Variants in UNC5C observed in about 807,000 individuals in gnomAD.
UNC5C encodes unc-5 netrin receptor C.
A neutral mutation model predicts 99.8 loss-of-function variants in UNC5C; 47 were observed. The observed-to-expected ratio is 0.47, with a 90% confidence interval of 0.37 to 0.60. The LOEUF is 0.60. Among genes scored for constraint, UNC5C ranks in the 20% least tolerant of loss-of-function variants. The pLI, the probability that UNC5C is intolerant of heterozygous loss-of-function variation, is 0.00. For synonymous variants in UNC5C, 487 were observed against 452.2 expected (o/e 1.08, Z -0.98); for missense variants, 1,062 against 1,165.9 (o/e 0.91, Z 1.30).
At chr4:95,323,862 C>T (rs1324139933) in intron 2 of UNC5C, among the ~76,000 whole-genome samples, 5 of 152,044 alleles carry the variant, frequency 3.3e-5, no homozygotes, top group African/African-American at 1.2e-4. Context: ...ATGGTGAAAC[C>T]CCGTCTCTAC....
At chr4:95,397,923 T>A (rs1437433179) in intron 1 of UNC5C, among the ~76,000 whole-genome samples, 1 of 152,188 alleles carries the variant, frequency 6.6e-6, no homozygotes, top group East Asian at 1.9e-4. Context: ...CATTATTAAT[T>A]GTCTGCATTC....
chr4:95,493,678 G>A (rs957577170), intron 1 of UNC5C, among the ~76,000 whole-genome samples: 1 of 151,250 alleles, frequency 6.6e-6, no homozygotes, highest in Admixed American at 6.6e-5. Flanking sequence ...GTACTGTGGG[G>A]CAAAAGTTGT....
intron 1 of UNC5C, among the ~76,000 whole-genome samples, chr4:95,526,223 T>C (rs566357941): frequency 6.6e-6 from 1 of 152,246 alleles, no homozygotes; most frequent in South Asian, 2.1e-4. Flanking sequence ...ATCCATCTTG[T>C]TTACCCAGGA....
chr4:95,474,540 G>A (rs149779744), intron 1 of UNC5C, among the ~76,000 whole-genome samples: 25 of 151,932 alleles, frequency 1.6e-4, no homozygotes, highest in East Asian at 9.7e-4. Flanking sequence ...TCTACGCCTC[G>A]GCCTCCCAAA....
chr4:95,377,787 G>A (rs1744939794), intron 1 of UNC5C, among the ~76,000 whole-genome samples: 1 of 151,982 alleles, frequency 6.6e-6, no homozygotes, highest in Non-Finnish European at 1.5e-5. Context: ...ACAGTTAGGT[G>A]GATTAATAGT....
At chr4:95,294,140 A>G (rs140506105) in intron 3 of UNC5C, among the ~76,000 whole-genome samples, 114 of 152,370 alleles carry the variant, frequency 7.5e-4, no homozygotes, top group African/African-American at 2.6e-3. Flanking sequence ...AGTGAAATAC[A>G]TGACCGAAAT....
intron 1 of UNC5C, among the ~76,000 whole-genome samples, chr4:95,379,848 C>A (rs541805632): frequency 6.6e-6 from 1 of 152,258 alleles, no homozygotes; most frequent in Admixed American, 6.5e-5. Flanking sequence ...GACAAGATGG[C>A]TGCGCTGCCT....
chr4:95,199,888 T>G (rs1052877251), intron 12 of UNC5C, among the ~76,000 whole-genome samples: 2 of 152,230 alleles, frequency 1.3e-5, no homozygotes, highest in African/African-American at 2.4e-5. Flanking sequence ...GCTTTGGATG[T>G]ATCACATTTG....
intron 4 of UNC5C, among the ~76,000 whole-genome samples, chr4:95,255,203 C>A (rs1299691217): frequency 6.6e-6 from 1 of 152,054 alleles, no homozygotes; most frequent in African/African-American, 2.4e-5. Flanking sequence ...TAGTTTCGAA[C>A]TCCTGACCTC....
At chr4:95,192,351 G>C in intron 12 of UNC5C, among the ~76,000 whole-genome samples, 1 of 57,568 alleles carries the variant, frequency 1.7e-5, no homozygotes, top group Non-Finnish European at 3.2e-5. Flanking sequence ...CTTCTCCCCT[G>C]CTCACTCCTC....
chr4:95,387,432 A>C (rs962207460), intron 1 of UNC5C, among the ~76,000 whole-genome samples: 11 of 152,138 alleles, frequency 7.2e-5, no homozygotes, highest in Admixed American at 2.0e-4. Flanking sequence ...GAGCCACCTC[A>C]GCTGACTCCT....
intron 2 of UNC5C, among the ~76,000 whole-genome samples, chr4:95,318,559 T>C (rs969345647): frequency 6.6e-6 from 1 of 152,170 alleles, no homozygotes; most frequent in African/African-American, 2.4e-5. Flanking sequence ...TTTTCTGGTT[T>C]CACAAATGCC....
intron 12 of UNC5C, among the ~76,000 whole-genome samples, chr4:95,200,028 C>G (rs1737593249): frequency 6.6e-6 from 1 of 152,192 alleles, no homozygotes; most frequent in African/African-American, 2.4e-5. Context: ...GGTCTCATCC[C>G]TTCCCCAAGA....
intron 1 of UNC5C, among the ~76,000 whole-genome samples, chr4:95,540,760 T>C (rs1181888171): frequency 1.3e-5 from 2 of 152,212 alleles, no homozygotes; most frequent in African/African-American, 2.4e-5. Flanking sequence ...CACATAGACA[T>C]ACAGTTCAAA....
intron 5 of UNC5C, among the ~76,000 whole-genome samples, 185 bp from the exon 6 acceptor site, chr4:95,245,329 C>T (rs566196848): frequency 5.3e-5 from 8 of 151,158 alleles, no homozygotes; most frequent in African/African-American, 1.9e-4. Flanking sequence ...ATTGTATAGA[C>T]AGAGAAAAAA....
chr4:95,392,741 G>A (rs1039132624), intron 1 of UNC5C, among the ~76,000 whole-genome samples: 2 of 152,048 alleles, frequency 1.3e-5, no homozygotes, highest in African/African-American at 4.8e-5. Context: ...GAGCCTGGCT[G>A]AAACGCTTTT....
chr4:95,400,652 G>C (rs1531867), intron 1 of UNC5C, among the ~76,000 whole-genome samples: 1 of 151,878 alleles, frequency 6.6e-6, no homozygotes, highest in African/African-American at 2.4e-5. Context: ...CGGTCTCCCA[G>C]AGTGCTGGGA....
At chr4:95,285,192 T>C (rs9998985) in intron 3 of UNC5C, among the ~76,000 whole-genome samples, 37,229 of 152,152 alleles carry the variant, frequency 0.24, 7,996 homozygotes, top group African/African-American at 0.57. Flanking sequence ...AAAATATTTT[T>C]TTCTATCCAT....
rs146329036 is a variant in UNC5C, at chr4:95,519,625, C to T, written c.124+29109G>A. On this transcript the variant is annotated intron_variant, in intron 1 of 15. Coordinates refer to ENST00000453304, the MANE Select transcript of UNC5C (RefSeq NM_003728.4). ...ATTGGACTAAAGTAAATTCAACTTACCTGCTTAACTGCCTCACAGCAAACA... is the reference window on the plus strand; with the variant it reads ...ATTGGACTAAAGTAAATTCAACTTATCTGCTTAACTGCCTCACAGCAAACA... Among the ~76,000 whole-genome samples, 147 of 152,096 alleles carry T rather than the reference C, an allele frequency of 9.7e-4. 4 individuals carry two copies. In the East Asian group the frequency reaches 0.023, roughly 23 times the overall value.
Sources: allele counts gnomAD v4.1 joint callset (sites outside exome capture counted in the v4.1 genomes callset), GRCh38; gene constraint gnomAD v4.1.1; transcripts MANE v1.5; gene names NCBI Gene and HGNC (gene_info 2026-07-23, HGNC 2026-07-21).